The following EPHA6 variants were observed in gnomAD, a reference collection of about 807,000 sequenced individuals.
The protein encoded by EPHA6 is ephrin type-A receptor 6.
EPHA6 carries 50 observed loss-of-function variants against 112.0 expected under a neutral mutation model. That is an observed-to-expected ratio of 0.45 (90% confidence interval 0.36 to 0.56). The LOEUF (loss-of-function observed/expected upper bound fraction) is 0.56, where lower values mean the gene tolerates loss of function less well. Ranked by LOEUF, EPHA6 falls within the 20% of genes least tolerant of loss-of-function variation. The pLI, the probability that EPHA6 is intolerant of heterozygous loss-of-function variation, is 0.00. For synonymous variants in EPHA6, 529 were observed against 490.7 expected, an observed-to-expected ratio of 1.08 and a Z score of -1.03; for missense variants, 1,280 against 1,417.4, an observed-to-expected ratio of 0.90 and a Z score of 1.56.
At chr3:97,074,978 C>T (rs1025694652) in intron 3 of EPHA6, among the ~76,000 whole-genome samples, 5 of 151,912 alleles carry the variant, frequency 3.3e-5, no homozygotes, top group Non-Finnish European at 7.4e-5. Context: ...ACCGTGTTAT[C>T]AGAACTAGTT....
intron 14 of EPHA6, among the ~76,000 whole-genome samples, chr3:97,656,751 T>C (rs959466546): frequency 6.6e-6 from 1 of 151,848 alleles, no homozygotes; most frequent in Non-Finnish European, 1.5e-5. Context: ...CCTCAAACTC[T>C]CCCTTGGGCC....
intron 1 of EPHA6, among the ~76,000 whole-genome samples, chr3:96,824,169 ATT>A (rs200561164): frequency 6.6e-6 from 1 of 151,646 alleles, no homozygotes. Context: ...CCAGCAATCT[ATT>A]TGTTTTCTTA....
chr3:97,244,541 A>G (rs994718765), intron 5 of EPHA6: 55 of 472,390 alleles, frequency 1.2e-4, no homozygotes, highest in Non-Finnish European at 1.6e-4. Context: ...TTGTATAATC[A>G]TATAACAATA....
At chr3:96,820,898 C>T (rs2033205936) in intron 1 of EPHA6, among the ~76,000 whole-genome samples, 1 of 151,708 alleles carries the variant, frequency 6.6e-6, no homozygotes, top group Non-Finnish European at 1.5e-5. Context: ...TAATAAGGAG[C>T]AATATTTGAG....
chr3:97,347,737 G>A (rs2083601592), intron 5 of EPHA6, among the ~76,000 whole-genome samples: 1 of 151,976 alleles, frequency 6.6e-6, no homozygotes. Context: ...AACTTTCTTG[G>A]TGAAATTTTC....
intron 3 of EPHA6, among the ~76,000 whole-genome samples, chr3:97,166,079 T>C (rs556930818): frequency 4.7e-4 from 71 of 152,228 alleles, no homozygotes; most frequent in Non-Finnish European, 9.3e-4. Context: ...TTTTTAATAT[T>C]GAATTTGGGT....
intron 6 of EPHA6, among the ~76,000 whole-genome samples, chr3:97,438,895 C>T (rs1045535465): frequency 2.4e-4 from 36 of 152,312 alleles, no homozygotes; most frequent in African/African-American, 8.7e-4. Context: ...CTGACTACAA[C>T]TAGGACTCTA....
chr3:97,697,419 G>A (rs551381939), intron 14 of EPHA6, among the ~76,000 whole-genome samples: 2 of 152,226 alleles, frequency 1.3e-5, no homozygotes, highest in South Asian at 4.1e-4. Flanking sequence ...TAAAAATAAA[G>A]GACATTTTCT....
chr3:97,014,255 C>T (rs140149814), intron 3 of EPHA6, among the ~76,000 whole-genome samples: 1 of 152,110 alleles, frequency 6.6e-6, no homozygotes, highest in African/African-American at 2.4e-5. Flanking sequence ...AAATTATTTA[C>T]CATTAAATAT....
chr3:97,665,247 G>A (rs976065316), intron 14 of EPHA6, among the ~76,000 whole-genome samples: 4 of 152,124 alleles, frequency 2.6e-5, no homozygotes, highest in African/African-American at 9.7e-5. Flanking sequence ...AAATGGTGCT[G>A]GGAAAACTGG....
intron 6 of EPHA6, among the ~76,000 whole-genome samples, chr3:97,446,843 T>A (rs1577439389): frequency 1.3e-5 from 2 of 152,164 alleles, no homozygotes; most frequent in Non-Finnish European, 2.9e-5. Context: ...CTACATTTAA[T>A]CCCTAACAGC....
chr3:97,110,792 T>C (rs1576505841), intron 3 of EPHA6, among the ~76,000 whole-genome samples: 1 of 151,990 alleles, frequency 6.6e-6, no homozygotes, highest in Non-Finnish European at 1.5e-5. Flanking sequence ...GTCTCCCAAA[T>C]TGCTGGGGTT....
rs1404782770 is a variant in EPHA6, at chr3:97,004,082, G to C, written c.1114+16089G>C. On this transcript the variant is annotated intron_variant, in intron 3 of 17. Coordinates refer to ENST00000389672, the MANE Select transcript of EPHA6 (RefSeq NM_001080448.3). ...GGTTTGGTTCCATGTCTTTGCTATT[G>C]TAAATAGTGCTGCAATAAACATATG... 3.9e-5 allele frequency among the ~76,000 whole-genome samples: 6 copies of C among 152,014 alleles called. No individual in the cohort carries two copies. In the East Asian group the frequency reaches 1.2e-3, roughly 29 times the overall value.
At chr3:97,228,294 G>A (rs2078419174) in intron 4 of EPHA6, among the ~76,000 whole-genome samples, 1 of 152,090 alleles carries the variant, frequency 6.6e-6, no homozygotes, top group Non-Finnish European at 1.5e-5. Context: ...TACTCAATGT[G>A]TAGTCTTTTA....
intron 3 of EPHA6, among the ~76,000 whole-genome samples, chr3:96,999,044 A>AT (rs1043092159): frequency 6.6e-6 from 1 of 151,496 alleles, no homozygotes; most frequent in African/African-American, 2.4e-5. Flanking sequence ...TTTTATGGTT[A>AT]TTTTATTCTG....
intron 14 of EPHA6, among the ~76,000 whole-genome samples, chr3:97,641,600 C>T (rs558806357): frequency 6.6e-5 from 10 of 152,198 alleles, no homozygotes; most frequent in South Asian, 2.1e-4. Context: ...ATGCGCGAGC[C>T]GAAGCAGAGC....
At chr3:97,345,028 T>C (rs373525990) in intron 5 of EPHA6, among the ~76,000 whole-genome samples, 3 of 151,966 alleles carry the variant, frequency 2.0e-5, no homozygotes, top group South Asian at 4.1e-4. Context: ...TTGCTTAACT[T>C]CACAGAAGTC....
chr3:97,327,813 A>G (rs538883620), intron 5 of EPHA6, among the ~76,000 whole-genome samples: 1 of 149,558 alleles, frequency 6.7e-6, no homozygotes, highest in East Asian at 2.0e-4. Flanking sequence ...TTTATTGCTG[A>G]ATGATATTCC....
chr3:97,368,157 A>G (rs2084846218), intron 5 of EPHA6, among the ~76,000 whole-genome samples: 1 of 152,200 alleles, frequency 6.6e-6, no homozygotes. Flanking sequence ...TGAATGCCAG[A>G]AACTATCTTT....
Sources: allele counts gnomAD v4.1 joint callset (sites outside exome capture counted in the v4.1 genomes callset), GRCh38; gene constraint gnomAD v4.1.1; transcripts MANE v1.5; gene names NCBI Gene and HGNC (gene_info 2026-07-23, HGNC 2026-07-21).